Variants in TCAIM observed in about 807,000 individuals in gnomAD.
TCAIM encodes the protein T cell activation inhibitor, mitochondrial, also known as T-cell activation inhibitor, mitochondrial.
A neutral mutation model predicts 58.6 loss-of-function variants in TCAIM; 36 were observed. The observed-to-expected ratio is 0.61, with a 90% confidence interval of 0.47 to 0.81. The LOEUF is 0.81. TCAIM is among the 30% of genes least tolerant of loss of function. The pLI is 0.00. For synonymous variants in TCAIM, 172 were observed against 193.6 expected (o/e 0.89, Z 0.93); for missense variants, 466 against 579.6 (o/e 0.80, Z 2.01).
At chr3:44,390,129 G>C (rs944549400) in intron 5 of TCAIM, among the ~76,000 whole-genome samples, 15 of 152,104 alleles carry the variant, frequency 9.9e-5, no homozygotes, top group African/African-American at 3.4e-4. Context: ...CTTTAAAACA[G>C]GGACTTTATC....
chr3:44,397,929 G>T (rs1463514368), intron 8 of TCAIM, among the ~76,000 whole-genome samples: 1 of 150,314 alleles, frequency 6.7e-6, no homozygotes, highest in African/African-American at 2.5e-5. Context: ...ATTATATCTA[G>T]AATATATTTT....
chr3:44,362,370 A>G (rs1701307198), intron 4 of TCAIM: 1 of 400,624 alleles, frequency 2.5e-6, no homozygotes, highest in Non-Finnish European at 4.4e-6. Flanking sequence ...TGTAGAGGCC[A>G]CTCACATGGA....
intron 10 of TCAIM, among the ~76,000 whole-genome samples, chr3:44,406,963 G>A (rs1298288951): frequency 6.6e-6 from 1 of 152,202 alleles, no homozygotes. Context: ...CAGGGGGCTG[G>A]TGAGGTAGGA....
intron 7 of TCAIM, 93 bp from the exon 8 acceptor site, chr3:44,396,650 C>G: frequency 6.8e-7 from 1 of 1,465,394 alleles, no homozygotes; most frequent in Non-Finnish European, 9.4e-7. Flanking sequence ...TAAGCTTCTA[C>G]TGAATTTAAT....
chr3:44,374,301 T>A (rs984147350), intron 5 of TCAIM, among the ~76,000 whole-genome samples: 3 of 150,466 alleles, frequency 2.0e-5, no homozygotes, highest in East Asian at 3.9e-4. Flanking sequence ...TTTTTTTTTT[T>A]ATTTTAACTA....
At chr3:44,379,773 A>G (rs1194081969) in intron 5 of TCAIM, among the ~76,000 whole-genome samples, 1 of 152,046 alleles carries the variant, frequency 6.6e-6, no homozygotes, top group Non-Finnish European at 1.5e-5. Context: ...CAGGTGCTAC[A>G]CTCAATACCT....
chr3:44,368,260 T>C (rs1701412596), intron 5 of TCAIM, among the ~76,000 whole-genome samples: 1 of 152,258 alleles, frequency 6.6e-6, no homozygotes, highest in Non-Finnish European at 1.5e-5. Context: ...GCATGCCTTA[T>C]TTGTAAAGTC....
Position 44,407,609 on chromosome 3 carries a change from A to G in TCAIM, c.1418A>G (p.His473Arg), listed in dbSNP as rs776916112. 1.2e-6 allele frequency: 2 copies of G among 1,613,848 alleles called. No individual in the cohort carries two copies. Among genetic ancestry groups the G allele is most frequent in the African/African-American group, 2.7e-5 (2 of 75,032 alleles). Residue 473 changes from histidine to arginine, a missense_variant, in exon 11 of 11, where the codon CAT becomes CGT. His to Arg is a conservative substitution (Grantham distance 29). Transcript: ENST00000342649. Reference protein sequence around the residue: ...YLHGMHLCISHFYSVMQDGDL... With the variant: ...YLHGMHLCISRFYSVMQDGDL... ...CATGGGATGCACCTCTGCATTTCAC[A>G]TTTTTACTCTGTTATGCAAGATGGA...
At chr3:44,391,893 A>G (rs1002778374) in intron 5 of TCAIM, among the ~76,000 whole-genome samples, 3 of 152,284 alleles carry the variant, frequency 2.0e-5, no homozygotes, top group Middle Eastern at 3.4e-3. Flanking sequence ...CTTAATTGTC[A>G]CTAGTCCCAT....
intron 7 of TCAIM, 32 bp downstream of exon 7, chr3:44,396,529 A>G (rs2125654404): frequency 6.3e-7 from 1 of 1,588,804 alleles, no homozygotes; most frequent in African/African-American, 1.3e-5. Flanking sequence ...TTAAAAAATC[A>G]CTTAGCTGCT....
chr3:44,338,885 G>C (rs1009734095), intron 1 of TCAIM, 51 bp downstream of exon 1: 1 of 152,292 alleles, frequency 6.6e-6, no homozygotes, highest in Non-Finnish European at 1.5e-5. Context: ...GCTCCTCTAG[G>C]GGGGAAGCGG....
At chr3:44,351,209 G>A (rs536321301) in intron 1 of TCAIM, among the ~76,000 whole-genome samples, 241 of 152,172 alleles carry the variant, frequency 1.6e-3, no homozygotes, top group Non-Finnish European at 1.2e-3. Flanking sequence ...GGCTGGTCTC[G>A]AACTCCTGAC....
rs1701943121 is a variant in TCAIM at position 44,396,827 on chromosome 3, G to T, written c.878G>T (p.Trp293Leu). The T allele has an allele frequency of 1.2e-6, 2 of 1,612,948 alleles. No homozygotes were observed. The highest frequency in any genetic ancestry group is 8.5e-7 in the Non-Finnish European group (1 of 1,179,462). ...GGAACAATGGATGTCCATCACCACT[G>T]GACAAAAGTAAGAAAGAGCCTTAAA... Reference protein sequence around the residue: ...MLGTMDVHHHWTKLFERLPSY... With the variant: ...MLGTMDVHHHLTKLFERLPSY... Residue 293 changes from tryptophan (W) to leucine (L), a missense_variant, in exon 8 of 11, where the codon TGG becomes TTG. Trp to Leu is a moderately conservative substitution (Grantham distance 61). Transcript: ENST00000342649.
chr3:44,372,064 A>AGGAAG (rs1553659751), intron 5 of TCAIM, among the ~76,000 whole-genome samples: 3 of 145,968 alleles, frequency 2.1e-5, no homozygotes, highest in Admixed American at 6.8e-5. Context: ...GAAGGAAGGA[A>AGGAAG]GGAAGGAAGG....
At chr3:44,350,647 T>C (rs1342342716) in intron 1 of TCAIM, among the ~76,000 whole-genome samples, 1 of 152,130 alleles carries the variant, frequency 6.6e-6, no homozygotes, top group Non-Finnish European at 1.5e-5. Flanking sequence ...AGGCTGGTCT[T>C]GAACTCCTGG....
chr3:44,355,334 A>T (rs1170382186), intron 2 of TCAIM, among the ~76,000 whole-genome samples: 1 of 152,210 alleles, frequency 6.6e-6, no homozygotes, highest in Admixed American at 6.5e-5. Context: ...GGGAGCTGGA[A>T]CTGAGGGTTT....
intron 5 of TCAIM, chr3:44,368,012 A>G: frequency 3.7e-6 from 1 of 268,120 alleles, no homozygotes; most frequent in Non-Finnish European, 7.1e-6. Flanking sequence ...AATTCTATTC[A>G]AGTTACCCCC....
At position 44,385,045 on chromosome 3, in the gene TCAIM, G is replaced by C. The variant is rs532568360; in HGVS notation, c.573-7810G>C. 7.2e-5 allele frequency among the ~76,000 whole-genome samples: 11 copies of C among 152,312 alleles called. No homozygotes were observed. The East Asian group carries it at 1.7e-3, about 24-fold the overall frequency. On this transcript the variant is annotated intron_variant, in intron 5 of 10. Coordinates refer to ENST00000342649, the MANE Select transcript of TCAIM (RefSeq NM_173826.4). ...CTGCTATCACCTCTGCAATGTATTTGTCCTGGAGAGCCCAGCCAATGTATT... is the reference window on the plus strand; with the variant it reads ...CTGCTATCACCTCTGCAATGTATTTCTCCTGGAGAGCCCAGCCAATGTATT...
intron 6 of TCAIM, among the ~76,000 whole-genome samples, chr3:44,396,070 C>G (rs1701928419): frequency 1.3e-5 from 2 of 152,222 alleles, no homozygotes; most frequent in South Asian, 4.1e-4. Context: ...GTCATTGTAA[C>G]AATGTGAAAA....
Sources: allele counts gnomAD v4.1 joint callset (sites outside exome capture counted in the v4.1 genomes callset), GRCh38; gene constraint gnomAD v4.1.1; transcripts MANE v1.5; gene names NCBI Gene and HGNC (gene_info 2026-07-23, HGNC 2026-07-21).